Variants in FGD4 observed in about 807,000 individuals in gnomAD.
FGD4 encodes the protein FYVE, RhoGEF and PH domain-containing protein 4.
In FGD4, 42 loss-of-function variants were observed where a neutral mutation model predicts 102.0. The ratio of observed to expected loss-of-function variants is 0.41; its 90% confidence interval spans 0.32 to 0.53. The LOEUF (loss-of-function observed/expected upper bound fraction) is 0.53, where lower values mean the gene tolerates loss of function less well. FGD4 is among the 20% of genes least tolerant of loss of function. The pLI is 0.21. For synonymous variants in FGD4, 380 were observed against 375.7 expected (o/e 1.01, Z -0.13); for missense variants, 902 against 1,078.2 (o/e 0.84, Z 2.29).
chr12:32,465,937 C>T (rs954742566), intron 1 of FGD4, among the ~76,000 whole-genome samples: 1 of 152,086 alleles, frequency 6.6e-6, no homozygotes, highest in African/African-American at 2.4e-5. Context: ...CGCCACCATG[C>T]GTGGCTACTT....
At chr12:32,505,387 T>A (rs1360006578) in intron 1 of FGD4, among the ~76,000 whole-genome samples, 2 of 152,232 alleles carry the variant, frequency 1.3e-5, no homozygotes, top group African/African-American at 4.8e-5. Context: ...ACACAAAAGC[T>A]ATAGCTCAAA....
intron 2 of FGD4, among the ~76,000 whole-genome samples, chr12:32,569,714 T>C (rs1945484513): frequency 6.6e-6 from 1 of 152,218 alleles, no homozygotes; most frequent in Non-Finnish European, 1.5e-5. Flanking sequence ...TGTTCATTTT[T>C]CCTTTGCTCA....
chr12:32,413,280 A>T (rs181396277), intron 1 of FGD4, among the ~76,000 whole-genome samples: 13 of 149,838 alleles, frequency 8.7e-5, no homozygotes, highest in South Asian at 2.1e-4. Context: ...AAGTATATAT[A>T]AAAAAAATTA....
At chr12:32,437,652 A>G (rs1243919030) in intron 1 of FGD4, among the ~76,000 whole-genome samples, 2 of 152,174 alleles carry the variant, frequency 1.3e-5, no homozygotes, top group African/African-American at 2.4e-5. Context: ...AACATGTAAT[A>G]TGAATTCCCT....
At chr12:32,485,912 C>A in intron 1 of FGD4, 2 of 1,268,198 alleles carry the variant, frequency 1.6e-6, no homozygotes, top group Non-Finnish European at 2.0e-6. Flanking sequence ...TTGCGTAGTT[C>A]CTTGAGCCTG....
intron 1 of FGD4, among the ~76,000 whole-genome samples, chr12:32,437,108 C>CAA (rs5797478): frequency 1.8e-4 from 19 of 108,080 alleles, no homozygotes; most frequent in African/African-American, 5.6e-4. Flanking sequence ...GACTCCATGT[C>CAA]AAAAAAAAAA....
chr12:32,581,866 G>C (rs907270221), intron 3 of FGD4, 94 bp from the exon 4 acceptor site: 16 of 1,387,578 alleles, frequency 1.2e-5, no homozygotes, highest in Admixed American at 2.0e-5. Flanking sequence ...AAAAAAAGTA[G>C]CGAATATCCC....
chr12:32,534,346 G>A, intron 1 of FGD4: 1 of 1,438,914 alleles, frequency 6.9e-7, no homozygotes, highest in Admixed American at 2.7e-5. Flanking sequence ...TGAGCTCCTG[G>A]CAGATCCTGT....
intron 1 of FGD4, among the ~76,000 whole-genome samples, chr12:32,543,724 T>C (rs1459639671): frequency 3.3e-5 from 5 of 152,256 alleles, no homozygotes; most frequent in South Asian, 4.1e-4. Context: ...CCTCCTGGGT[T>C]CATGCCATTC....
intron 1 of FGD4, among the ~76,000 whole-genome samples, chr12:32,541,723 G>A (rs1263753105): frequency 6.6e-6 from 1 of 152,110 alleles, no homozygotes; most frequent in Non-Finnish European, 1.5e-5. Context: ...GGAGTAGAGG[G>A]TATCACCAAG....
chr12:32,601,450 T>A, intron 6 of FGD4, 27 bp downstream of exon 6: 3 of 1,597,134 alleles, frequency 1.9e-6, no homozygotes, highest in East Asian at 4.5e-5. Flanking sequence ...GAAAATGATA[T>A]GTTTAAGGCA....
chr12:32,610,864 T>G, intron 9 of FGD4, 30 bp downstream of exon 9: 2 of 1,604,220 alleles, frequency 1.2e-6, no homozygotes, highest in South Asian at 1.1e-5. Context: ...GACAGGAACC[T>G]CTGATTAGAC....
At position 32,495,651 on chromosome 12, in the gene FGD4, G is replaced by A. The variant is rs187400550; in HGVS notation, c.167-68486G>A. ...GCAGAGCTTGCAGTGAGCCGAGATC[G>A]CACCACTGCACTCCAGCCTGGGCCA... On this transcript the variant is annotated intron_variant, in intron 1 of 16. Transcript: ENST00000534526. Among the ~76,000 whole-genome samples, 10 of 142,408 alleles carry A rather than the reference G, an allele frequency of 7.0e-5. No homozygotes were observed. The East Asian group carries it at 8.3e-4, about 12-fold the overall frequency. The allele number at this position is 142,408 out of a possible 152,430, so 93.4% of individuals were successfully genotyped here.
At chr12:32,490,739 A>C (rs986685419) in intron 1 of FGD4, among the ~76,000 whole-genome samples, 1 of 152,178 alleles carries the variant, frequency 6.6e-6, no homozygotes, top group Middle Eastern at 3.2e-3. Context: ...TGGGATGTAT[A>C]TATTCCTGCA....
At chr12:32,539,651 A>G (rs1264589468) in intron 1 of FGD4, among the ~76,000 whole-genome samples, 3 of 152,100 alleles carry the variant, frequency 2.0e-5, no homozygotes, top group African/African-American at 4.8e-5. Context: ...TTTATTTCCA[A>G]ATTTATCTAG....
intron 1 of FGD4, among the ~76,000 whole-genome samples, chr12:32,508,439 G>A (rs1329399096): frequency 1.3e-5 from 2 of 152,186 alleles, no homozygotes; most frequent in African/African-American, 2.4e-5. Flanking sequence ...TTCATCCACA[G>A]CAAGTAGACT....
intron 1 of FGD4, chr12:32,477,440 G>A (rs1258745372): frequency 6.6e-6 from 1 of 152,304 alleles, no homozygotes; most frequent in Admixed American, 6.5e-5. Context: ...CTGTCATTCC[G>A]ATTTTAGTAT....
intron 2 of FGD4, among the ~76,000 whole-genome samples, chr12:32,575,284 A>AG (rs1344961099): frequency 6.6e-6 from 1 of 152,196 alleles, no homozygotes; most frequent in African/African-American, 2.4e-5. Context: ...CAGGAAGCAC[A>AG]GTGCCACCAT....
At chr12:32,445,850 C>T (rs961872910) in intron 1 of FGD4, among the ~76,000 whole-genome samples, 3 of 151,894 alleles carry the variant, frequency 2.0e-5, no homozygotes, top group Non-Finnish European at 4.4e-5. Flanking sequence ...ATTTAAAATT[C>T]CTTCATTTGT....
Sources: allele counts gnomAD v4.1 joint callset (sites outside exome capture counted in the v4.1 genomes callset), GRCh38; gene constraint gnomAD v4.1.1; transcripts MANE v1.5; gene names NCBI Gene and HGNC (gene_info 2026-07-23, HGNC 2026-07-21).